MOV10: variants seen among roughly 807,000 people sequenced by gnomAD.
MOV10 encodes the protein RNA helicase MOV-10.
In MOV10, 39 loss-of-function variants were observed where a neutral mutation model predicts 108.4. The observed-to-expected ratio is 0.36, with a 90% CI of 0.28 to 0.47. MOV10 has a LOEUF of 0.47. Among genes scored for constraint, MOV10 ranks in the 20% least tolerant of loss-of-function variants. The pLI, the probability that MOV10 is intolerant of heterozygous loss-of-function variation, is 1.00. For missense variants in MOV10, 952 were observed against 1,297.6 expected (o/e 0.73, Z 4.09); for synonymous variants, 490 against 523.1 (o/e 0.94, Z 0.86).
intron 2 of MOV10, among the ~76,000 whole-genome samples, chr1:112,683,626 G>A (rs1316472999): frequency 2.6e-5 from 4 of 151,894 alleles, no homozygotes; most frequent in East Asian, 1.9e-4. Flanking sequence ...GGCATGATCC[G>A]CTGTGCCTGG....
In MOV10 at chr1:112,691,672, G is replaced by A. The variant is rs1175435250; in HGVS notation, c.844G>A (p.Gly282Ser). ...EEGERPDRAK[G>S]YDLELSMALG... ...CTTCCCTCGATTCTGCAGCGCTAAG[G>A]GCTATGACCTGGAGTTAAGTATGGC... is the stretch of plus-strand genomic sequence containing the variant. The change falls in exon 6 of 21, where the codon GGC becomes AGC. Residue 282 changes from glycine to serine, a missense_variant. Around this residue, in one of 5 missense-constraint regions of MOV10, gnomAD observed 374 missense variants for 468.6 expected, o/e 0.80. Transcript: ENST00000369645. 1.9e-6 allele frequency: 3 copies of A among 1,614,018 alleles called. No individual in the cohort carries two copies. Among genetic ancestry groups the A allele is most frequent in the African/African-American group, 1.3e-5 (1 of 75,002 alleles).
intron 2 of MOV10, among the ~76,000 whole-genome samples, chr1:112,677,853 AT>A (rs1403504496): frequency 6.6e-6 from 1 of 152,082 alleles, no homozygotes; most frequent in Non-Finnish European, 1.5e-5. Flanking sequence ...CAGCTAGGTT[AT>A]TTTATGATGT....
intron 2 of MOV10, among the ~76,000 whole-genome samples, chr1:112,684,264 T>C (rs1672892589): frequency 1.4e-5 from 1 of 71,340 alleles, no homozygotes; most frequent in African/African-American, 3.9e-5. Flanking sequence ...TCCCTGGGAT[T>C]TTTTTTTTTT....
chr1:112,696,026 C>T (rs1570802652), intron 11 of MOV10, 122 bp from the exon 12 acceptor site: 3 of 724,926 alleles, frequency 4.1e-6, no homozygotes, highest in African/African-American at 1.8e-5. Flanking sequence ...TGGGGGACAG[C>T]GAGACTCCGT....
intron 2 of MOV10, among the ~76,000 whole-genome samples, chr1:112,683,491 A>G (rs934277508): frequency 6.6e-6 from 1 of 152,106 alleles, no homozygotes; most frequent in African/African-American, 2.4e-5. Flanking sequence ...CTGCAGCCTC[A>G]AGGGCCCAGC....
At chr1:112,689,196 G>C in intron 3 of MOV10, 58 bp downstream of exon 3, 1 of 1,499,038 alleles carries the variant, frequency 6.7e-7, no homozygotes, top group Non-Finnish European at 9.1e-7. Context: ...GAGGGAAGGG[G>C]GCTATCTGTG....
At chr1:112,676,704 G>A (rs966677358) in intron 2 of MOV10, among the ~76,000 whole-genome samples, 11 of 152,162 alleles carry the variant, frequency 7.2e-5, no homozygotes, top group Admixed American at 6.5e-4. Flanking sequence ...CATCAAAGGC[G>A]GGAATGAGGA....
At position 112,696,517 on chromosome 1, in the gene MOV10, G is replaced by A. The variant is rs942757989; in HGVS notation, c.1964G>A (p.Ser655Asn). 7 of 1,613,884 alleles carry A rather than the reference G, an allele frequency of 4.3e-6. No homozygotes were observed. Among genetic ancestry groups the A allele is most frequent in the Non-Finnish European group, 5.1e-6 (6 of 1,179,876 alleles). Residue 655 changes from serine to asparagine, a missense_variant, in exon 13 of 21, where the codon AGT (serine) becomes AAT (asparagine). Ser to Asn is a conservative substitution (Grantham distance 46). Around this residue, in one of 5 missense-constraint regions of MOV10, gnomAD observed 453 missense variants for 611.5 expected, o/e 0.74. Transcript: ENST00000369645. ...GCTGGCCACTGCATGGAGCCTGAGA[G>A]TCTGGTAGCTATAGCAGGTGAGGGA... ...DEAGHCMEPE[S>N]LVAIAGLMEV...
In MOV10 at chr1:112,680,175, G is replaced by A. The variant is rs1209809053; in HGVS notation, c.137+5126G>A. 3.3e-5 allele frequency among the ~76,000 whole-genome samples: 5 copies of A among 151,994 alleles called. No homozygotes were observed. The South Asian group carries it at 6.2e-4, about 19-fold the overall frequency. On this transcript the variant is annotated intron_variant, in intron 2 of 20. Transcript: ENST00000369645. ...GGGAGAAGATCCATGGTGGGAAGAC[G>A]CCTGCTGCAGAATAGTATGTGTAGC...
chr1:112,685,999 C>G (rs1386919965), intron 2 of MOV10, among the ~76,000 whole-genome samples: 1 of 152,166 alleles, frequency 6.6e-6, no homozygotes, highest in East Asian at 1.9e-4. Flanking sequence ...AAAGTCAGAT[C>G]TGGCCATCCG....
intron 2 of MOV10, among the ~76,000 whole-genome samples, chr1:112,682,159 T>C (rs1213192225): frequency 6.6e-6 from 1 of 152,206 alleles, no homozygotes; most frequent in Non-Finnish European, 1.5e-5. Context: ...CCTCCCAAAG[T>C]GCTGGGATTA....
Position 112,689,645 on chromosome 1 carries a change from G to C in MOV10, c.572G>C (p.Gly191Ala), listed in dbSNP as rs759208673. The change falls in exon 4 of 21, where the codon GGC becomes GCC. Residue 191 changes from glycine (G) to alanine (A), a missense_variant. By Grantham distance (60) the Gly-to-Ala change is moderately conservative. This residue lies in a region of MOV10 where 374 missense variants were observed against 468.6 expected (regional missense o/e 0.80). Coordinates refer to ENST00000369645, the MANE Select transcript of MOV10 (RefSeq NM_001321324.2). Reference sequence around the variant, plus strand: ...GACCAGGAGTTGCCCTGTCCACTGGGCCCCGGTGAGTGAGTTTCCAAAGGA... The same window carrying C: ...GACCAGGAGTTGCCCTGTCCACTGGCCCCCGGTGAGTGAGTTTCCAAAGGA... The part of the protein sequence containing the change: ...NEDQELPCPL[G>A]PGECYELHVH... 1.9e-6 allele frequency: 3 copies of C among 1,613,780 alleles called. No individual in the cohort carries two copies. In the African/African-American group the frequency reaches 4.0e-5, roughly 22 times the overall value.
chr1:112,698,264 G>T, intron 15 of MOV10, 23 bp from the exon 16 acceptor site: 1 of 1,607,548 alleles, frequency 6.2e-7, no homozygotes, highest in Non-Finnish European at 8.5e-7. Flanking sequence ...CTGGCTGACG[G>T]TTTCCCCCGA....
chr1:112,685,181 G>A (rs1423568781), intron 2 of MOV10: 1 of 139,262 alleles, frequency 7.2e-6, no homozygotes, highest in Non-Finnish European at 1.5e-5. Flanking sequence ...CACCATGCCT[G>A]GCTTTTTTTT....
intron 19 of MOV10, 117 bp from the exon 20 acceptor site, chr1:112,700,102 C>G: frequency 6.3e-7 from 1 of 1,583,912 alleles, no homozygotes; most frequent in Non-Finnish European, 8.6e-7. Context: ...ATTTTCACAG[C>G]ATCACTATTG....
intron 16 of MOV10, 109 bp downstream of exon 16, chr1:112,698,587 C>G: frequency 6.9e-7 from 1 of 1,439,728 alleles, no homozygotes; most frequent in Non-Finnish European, 9.7e-7. Context: ...CTGCTGGCTC[C>G]GTATCTCAGA....
rs1673843538 is a variant in MOV10, at chr1:112,694,125, T to C, written c.1248T>C (p.Phe416=). The part of the protein sequence containing the change: ...HQEDPITYKG[F]VHKVELDRVK... ...AGGACCCCATCACATATAAGGGCTT[T>C]GTGCACAAGGTGGAATTGGACCGTG... The change falls in exon 8 of 21, where the codon TTT becomes TTC. Residue 416 remains phenylalanine, a synonymous_variant. Coordinates refer to ENST00000369645, the MANE Select transcript of MOV10 (RefSeq NM_001321324.2). The surrounding 1 kb of genome is among the most constrained non-coding windows in gnomAD (Gnocchi z 4.1). 1 of 1,614,004 alleles carries C rather than the reference T, an allele frequency of 6.2e-7. No homozygotes were observed. The highest frequency in any genetic ancestry group is 1.3e-5 in the African/African-American group (1 of 74,894).
chr1:112,675,736 C>T lies in MOV10; in HGVS notation c.137+687C>T, dbSNP rs1672154869. On this transcript the variant is annotated intron_variant, in intron 2 of 20. Coordinates refer to ENST00000369645, the MANE Select transcript of MOV10 (RefSeq NM_001321324.2). The surrounding 1 kb of genome is among the most constrained non-coding windows in gnomAD (Gnocchi z 4.7). ...CTTTGGTCTCCTTTTCCTGCTACCA[C>T]CCAAGTGAAAATCAAAGAGTCTTCT... Among the ~76,000 whole-genome samples, 1 of 152,226 alleles carries T rather than the reference C, an allele frequency of 6.6e-6. No homozygotes were observed. Among genetic ancestry groups the T allele is most frequent in the Non-Finnish European group, 1.5e-5 (1 of 68,034 alleles).
At chr1:112,699,417 T>C in intron 17 of MOV10, 1 of 1,270,800 alleles carries the variant, frequency 7.9e-7, no homozygotes, top group African/African-American at 1.5e-5. Flanking sequence ...GTCACTGCTC[T>C]GAGTTCCCGT....
Sources: gnomAD v4.1 joint callset for allele counts (sites outside exome capture counted in the v4.1 genomes callset) on GRCh38, gnomAD v4.1.1 for gene constraint, gnomAD v4.1.1 regional missense constraint, Gnocchi (gnomAD v3.1) non-coding constraint, MANE v1.5 for transcripts, NCBI Gene and HGNC (gene_info 2026-07-23, HGNC 2026-07-21) for gene names.